FSTL5: variants seen among roughly 807,000 people sequenced by gnomAD.
FSTL5 encodes the protein follistatin like 5.
FSTL5 carries 62 observed loss-of-function variants against 89.1 expected under a neutral mutation model. That is an observed-to-expected ratio of 0.70 (90% CI 0.57 to 0.86). The LOEUF (loss-of-function observed/expected upper bound fraction) is 0.86, where lower values mean the gene tolerates loss of function less well. Among genes scored for constraint, FSTL5 ranks in the 40% least tolerant of loss-of-function variants. The pLI is 0.00. For missense variants in FSTL5, 1,057 were observed against 1,001.6 expected, an observed-to-expected ratio of 1.06 and a Z score of -0.75; for synonymous variants, 383 against 346.2, an observed-to-expected ratio of 1.11 and a Z score of -1.18.
At chr4:161,889,326 G>T (rs1732913596) in intron 4 of FSTL5, among the ~76,000 whole-genome samples, 1 of 152,104 alleles carries the variant, frequency 6.6e-6, no homozygotes, top group African/African-American at 2.4e-5. Context: ...GGTAATCCAT[G>T]TTTATCCTTG....
At chr4:162,121,795 C>T (rs778420556) in intron 1 of FSTL5, among the ~76,000 whole-genome samples, 4 of 152,000 alleles carry the variant, frequency 2.6e-5, no homozygotes, top group Non-Finnish European at 5.9e-5. Context: ...TTTCTTCTAC[C>T]TCTGCTATCC....
At chr4:161,730,133 G>C (rs1474468299) in intron 6 of FSTL5, among the ~76,000 whole-genome samples, 1 of 152,080 alleles carries the variant, frequency 6.6e-6, no homozygotes, top group Non-Finnish European at 1.5e-5. Context: ...TCATGTCTAA[G>C]TTTCTGAGTT....
At chr4:162,031,422 G>A (rs1229981477) in intron 3 of FSTL5, among the ~76,000 whole-genome samples, 1 of 152,080 alleles carries the variant, frequency 6.6e-6, no homozygotes, top group Non-Finnish European at 1.5e-5. Flanking sequence ...CAGAATTTTT[G>A]TCATTTGCCA....
intron 7 of FSTL5, among the ~76,000 whole-genome samples, chr4:161,618,860 A>AC (rs1254154220): frequency 1.3e-5 from 2 of 152,220 alleles, no homozygotes; most frequent in Non-Finnish European, 2.9e-5. Context: ...ATATGACACC[A>AC]AAAAAGAGCC....
chr4:162,126,737 G>A (rs1243803404), intron 1 of FSTL5, among the ~76,000 whole-genome samples: 1 of 151,032 alleles, frequency 6.6e-6, no homozygotes, highest in Non-Finnish European at 1.5e-5. Context: ...GTGATTTTTG[G>A]GCATTATGCA....
chr4:161,402,962 C>CA (rs1409807648), intron 15 of FSTL5, among the ~76,000 whole-genome samples: 1 of 151,982 alleles, frequency 6.6e-6, no homozygotes, highest in Non-Finnish European at 1.5e-5. Context: ...GCGGGGACTA[C>CA]AGGTGCCTGC....
At chr4:161,392,907 T>C (rs1240959327) in intron 15 of FSTL5, among the ~76,000 whole-genome samples, 1 of 152,154 alleles carries the variant, frequency 6.6e-6, no homozygotes, top group Non-Finnish European at 1.5e-5. Context: ...CTCACACCTG[T>C]AATCCCAGCA....
chr4:161,695,625 T>C (rs1265310632), intron 6 of FSTL5, among the ~76,000 whole-genome samples: 1 of 152,112 alleles, frequency 6.6e-6, no homozygotes, highest in Admixed American at 6.6e-5. Flanking sequence ...CAACATCCTT[T>C]GTTTTTTGAT....
At position 161,739,992 on chromosome 4, in the gene FSTL5, G is replaced by GTATC. The variant is rs200684176; in HGVS notation, c.727+19415_727+19418dup. ...TAATTAATGTGTTCAAAATAGGATA[G>GTATC]TATCTATTTATTTATTTATTTATTT... On this transcript the variant is annotated intron_variant, in intron 6 of 15. Transcript: ENST00000306100. Among the ~76,000 whole-genome samples the GTATC allele has an allele frequency of 8.6e-3, 1,283 of 149,144 alleles. 13 individuals are homozygous for GTATC. The highest frequency in any genetic ancestry group is 0.027 in the South Asian group (122 of 4,512).
intron 1 of FSTL5, among the ~76,000 whole-genome samples, chr4:162,148,127 T>C (rs1437389806): frequency 6.6e-6 from 1 of 152,210 alleles, no homozygotes; most frequent in Admixed American, 6.5e-5. Context: ...TCTGGCAGAT[T>C]ACTATTCAAT....
Position 161,869,894 on chromosome 4 carries a change from CCTT to C in FSTL5, c.409+50507_409+50509del, listed in dbSNP as rs1285460151. ...AATCATATTCAAGATTAAAATTTCT[CCTT>C]GTCTTCAGCACTCTTCTCCCACCTT... On this transcript the variant is annotated intron_variant, in intron 4 of 15. Transcript: ENST00000306100. Among the ~76,000 whole-genome samples, 6 of 152,146 alleles carry C rather than the reference CCTT, an allele frequency of 3.9e-5. No homozygotes were observed. In the East Asian group the frequency reaches 9.6e-4, roughly 24 times the overall value.
At chr4:161,905,439 T>C (rs1427847155) in intron 4 of FSTL5, among the ~76,000 whole-genome samples, 1 of 152,120 alleles carries the variant, frequency 6.6e-6, no homozygotes, top group African/African-American at 2.4e-5. Context: ...TTAAAAAATA[T>C]CACTATAAAG....
At chr4:161,478,950 T>C (rs929463802) in intron 13 of FSTL5, among the ~76,000 whole-genome samples, 3 of 152,136 alleles carry the variant, frequency 2.0e-5, no homozygotes, top group Admixed American at 1.3e-4. Flanking sequence ...ATTGTGAATA[T>C]CATACATATC....
chr4:161,556,526 C>T (rs903858832), intron 8 of FSTL5, among the ~76,000 whole-genome samples: 2 of 151,460 alleles, frequency 1.3e-5, no homozygotes, highest in African/African-American at 2.4e-5. Flanking sequence ...GGGATACTCA[C>T]TCCAACTCTA....
chr4:161,828,110 T>G (rs1730722572), intron 4 of FSTL5, among the ~76,000 whole-genome samples: 1 of 152,238 alleles, frequency 6.6e-6, no homozygotes, highest in Admixed American at 6.5e-5. Flanking sequence ...CCCTGGGGAC[T>G]GAGAGAGCCC....
intron 7 of FSTL5, among the ~76,000 whole-genome samples, chr4:161,631,307 T>A (rs1376184556): frequency 6.6e-6 from 1 of 152,192 alleles, no homozygotes; most frequent in Non-Finnish European, 1.5e-5. Context: ...TAGTCCCCAG[T>A]TCATAATCTG....
chr4:161,676,193 A>G (rs1050772919), intron 6 of FSTL5, among the ~76,000 whole-genome samples: 4 of 152,138 alleles, frequency 2.6e-5, no homozygotes, highest in African/African-American at 9.7e-5. Context: ...ACTACCAAAC[A>G]TTACCAATCC....
intron 4 of FSTL5, among the ~76,000 whole-genome samples, chr4:161,791,140 G>A (rs1371532205): frequency 6.6e-6 from 1 of 151,910 alleles, no homozygotes; most frequent in Non-Finnish European, 1.5e-5. Flanking sequence ...CACTTAATTT[G>A]TGAAAAGATG....
chr4:161,443,511 C>A (rs1174311044), intron 15 of FSTL5, among the ~76,000 whole-genome samples: 1 of 151,916 alleles, frequency 6.6e-6, no homozygotes, highest in East Asian at 1.9e-4. Flanking sequence ...ATTTATATAG[C>A]ACTGTAGCAA....
Sources: allele counts gnomAD v4.1 joint callset (sites outside exome capture counted in the v4.1 genomes callset), GRCh38; gene constraint gnomAD v4.1.1; transcripts MANE v1.5; gene names NCBI Gene and HGNC (gene_info 2026-07-23, HGNC 2026-07-21).